Variants in ANKRD44 observed in about 807,000 individuals in gnomAD.
ANKRD44 encodes the protein serine/threonine-protein phosphatase 6 regulatory ankyrin repeat subunit B.
ANKRD44 carries 35 observed loss-of-function variants against 116.0 expected under a neutral mutation model. The ratio of observed to expected loss-of-function variants is 0.30; its 90% CI spans 0.23 to 0.40. The LOEUF (loss-of-function observed/expected upper bound fraction) is 0.40, where lower values mean the gene tolerates loss of function less well. Ranked by LOEUF, ANKRD44 falls within the 10% of genes least tolerant of loss-of-function variation. ANKRD44 has a pLI of 1.00. For missense variants in ANKRD44, 1,014 were observed against 1,242.6 expected, an observed-to-expected ratio of 0.82 and a Z score of 2.77; for synonymous variants, 435 against 461.8, an observed-to-expected ratio of 0.94 and a Z score of 0.74.
chr2:197,289,946 A>G (rs1225760467), intron 1 of ANKRD44, among the ~76,000 whole-genome samples: 1 of 151,368 alleles, frequency 6.6e-6, no homozygotes, highest in African/African-American at 2.4e-5. Flanking sequence ...GCTCACTGCA[A>G]CCTCCTGGGT....
rs563523499 is a variant in ANKRD44 at position 197,188,586 on chromosome 2, C to A, written c.28-1480G>T. Among the ~76,000 whole-genome samples the A allele has an allele frequency of 6.0e-4, 92 of 152,324 alleles. 3 individuals are homozygous for A. The South Asian group carries it at 0.019, about 31-fold the overall frequency. On this transcript the variant is annotated intron_variant, in intron 1 of 27. Coordinates refer to ENST00000282272, the MANE Select transcript of ANKRD44 (RefSeq NM_001195144.2). The stretch of plus-strand genomic sequence containing the variant: ...GGTGAGCATGATCATCGCTGCCTAA[C>A]CTCCTCATGGGATTGTTATTAGGAT...
At chr2:197,099,586 A>C in intron 10 of ANKRD44, 2 of 1,218,644 alleles carry the variant, frequency 1.6e-6, no homozygotes, top group Non-Finnish European at 2.0e-6. Flanking sequence ...TCCTTAATTA[A>C]AACCACTGAA....
At chr2:197,172,808 C>T (rs146868899) in intron 2 of ANKRD44, among the ~76,000 whole-genome samples, 21 of 152,216 alleles carry the variant, frequency 1.4e-4, no homozygotes, top group Admixed American at 3.3e-4. Flanking sequence ...TCAAGTGATC[C>T]GCCCACCTTG....
At chr2:197,185,856 A>G (rs1396642467) in intron 2 of ANKRD44, among the ~76,000 whole-genome samples, 1 of 152,196 alleles carries the variant, frequency 6.6e-6, no homozygotes. Flanking sequence ...AGAGTCATGA[A>G]CCTTTTAGGG....
chr2:197,252,825 C>T (rs2082352782), intron 1 of ANKRD44, among the ~76,000 whole-genome samples: 3 of 152,158 alleles, frequency 2.0e-5, no homozygotes, highest in South Asian at 4.1e-4. Context: ...CCTGTATTTA[C>T]TCTTGCAGTG....
Position 196,975,511 on chromosome 2 carries a change from C to T in ANKRD44, c.2369-8065G>A, listed in dbSNP as rs147102335. On this transcript the variant is annotated intron_variant, in intron 21 of 21. Transcript: ENST00000424317. Reference sequence around the variant, plus strand: ...AAAATACGTCAAAAGGGGCTGGGTGCGGTGGCTCACGCCTGTGATCCCAGC... The same window carrying T: ...AAAATACGTCAAAAGGGGCTGGGTGTGGTGGCTCACGCCTGTGATCCCAGC... Among the ~76,000 whole-genome samples, 614 of 152,018 alleles carry T rather than the reference C, an allele frequency of 4.0e-3. 3 individuals carry two copies. Among genetic ancestry groups the T allele is most frequent in the African/African-American group, 0.012 (517 of 41,498 alleles).
At chr2:197,287,719 G>A (rs1440769087) in intron 1 of ANKRD44, among the ~76,000 whole-genome samples, 1 of 152,076 alleles carries the variant, frequency 6.6e-6, no homozygotes, top group Non-Finnish European at 1.5e-5. Context: ...TCAGGAATTA[G>A]CAAACCAAAG....
chr2:197,146,559 A>T, intron 3 of ANKRD44, among the ~76,000 whole-genome samples: 2 of 152,118 alleles, frequency 1.3e-5, no homozygotes, highest in African/African-American at 4.8e-5. Flanking sequence ...TATAGCATGT[A>T]TATATAGAGA....
intron 16 of ANKRD44, among the ~76,000 whole-genome samples, chr2:197,034,791 T>C (rs2076778632): frequency 6.6e-6 from 1 of 151,948 alleles, no homozygotes; most frequent in African/African-American, 2.4e-5. Flanking sequence ...AACCTCAAAC[T>C]CCTACTGAGA....
At chr2:197,139,360 T>C (rs940347496) in intron 3 of ANKRD44, among the ~76,000 whole-genome samples, 4 of 152,216 alleles carry the variant, frequency 2.6e-5, no homozygotes, top group Admixed American at 6.5e-5. Flanking sequence ...GTTCTGTATA[T>C]ATAAACAGAT....
chr2:197,176,493 T>A (rs2080367555), intron 2 of ANKRD44, among the ~76,000 whole-genome samples: 1 of 152,202 alleles, frequency 6.6e-6, no homozygotes, highest in South Asian at 2.1e-4. Context: ...CCAAGCCCAG[T>A]GCTCTCTATA....
intron 16 of ANKRD44, among the ~76,000 whole-genome samples, chr2:197,071,666 A>C (rs1023977072): frequency 3.9e-5 from 6 of 152,028 alleles, no homozygotes; most frequent in African/African-American, 1.5e-4. Context: ...ATGTATTCTC[A>C]TGTTGCTGGG....
At chr2:197,147,872 G>A (rs2079545872) in intron 2 of ANKRD44, 1 of 455,752 alleles carries the variant, frequency 2.2e-6, no homozygotes, top group African/African-American at 2.0e-5. Flanking sequence ...TGAGAGCTAA[G>A]GTTGATATTA....
intron 21 of ANKRD44, among the ~76,000 whole-genome samples, chr2:196,976,038 C>A (rs1211102997): frequency 6.6e-6 from 1 of 151,900 alleles, no homozygotes; most frequent in Admixed American, 6.6e-5. Flanking sequence ...ATAATTGAAC[C>A]CCTTTTCTTA....
chr2:197,175,921 C>CAATAGGAACCT (rs2080354516), intron 2 of ANKRD44, among the ~76,000 whole-genome samples: 1 of 152,138 alleles, frequency 6.6e-6, no homozygotes, highest in Non-Finnish European at 1.5e-5. Flanking sequence ...AATAGGAACC[C>CAATAGGAACCT]TGATTTTTAG....
At chr2:197,125,699 G>T in intron 5 of ANKRD44, 138 bp downstream of exon 5, 1 of 1,054,948 alleles carries the variant, frequency 9.5e-7, no homozygotes, top group Non-Finnish European at 1.4e-6. Context: ...CTAAAGTTGA[G>T]AATGATATAG....
chr2:197,206,458 C>T (rs190742307), intron 1 of ANKRD44, among the ~76,000 whole-genome samples: 87 of 152,106 alleles, frequency 5.7e-4, no homozygotes, highest in Middle Eastern at 3.4e-3. Context: ...TAGAGGTGGG[C>T]GGATCACCTG....
intron 2 of ANKRD44, among the ~76,000 whole-genome samples, chr2:197,170,965 C>T (rs1457944452): frequency 6.6e-6 from 1 of 152,100 alleles, no homozygotes; most frequent in African/African-American, 2.4e-5. Context: ...TCCCAGCTGA[C>T]AATCAGTACT....
intron 9 of ANKRD44, among the ~76,000 whole-genome samples, chr2:197,100,390 G>A (rs1225685125): frequency 2.0e-5 from 3 of 152,092 alleles, no homozygotes; most frequent in East Asian, 1.9e-4. Flanking sequence ...AGCCAAGATC[G>A]CACCACTGCA....
Sources: gnomAD v4.1 joint callset for allele counts (sites outside exome capture counted in the v4.1 genomes callset) on GRCh38, gnomAD v4.1.1 for gene constraint, MANE v1.5 for transcripts, NCBI Gene and HGNC (gene_info 2026-07-23, HGNC 2026-07-21) for gene names.